Variants in ATOSA observed in about 807,000 individuals in gnomAD.
ATOSA encodes the protein atos homolog protein A.
chr15:52,583,390 G>GTCATTCATTCAT, the ATOSA span, among the ~76,000 whole-genome samples: 7,139 of 150,838 alleles, frequency 0.047, 243 homozygotes, highest in East Asian at 0.12. Flanking sequence ...TTCATACCAT[G>GTCATTCATTCAT]TCATTCATTC....
chr15:52,636,119 TTTA>T, the ATOSA span, among the ~76,000 whole-genome samples: 1 of 35,742 alleles, frequency 2.8e-5, no homozygotes, highest in Non-Finnish European at 8.0e-5. Context: ...AAATAATAAA[TTTA>T]ATAAATATAT....
At chr15:52,670,427 T>A in the ATOSA span, among the ~76,000 whole-genome samples, 209 of 152,344 alleles carry the variant, frequency 1.4e-3, 1 homozygote, top group African/African-American at 4.6e-3. Flanking sequence ...CTATGTAATT[T>A]TTTCAAGGTA....
chr15:52,584,861 T>C, the ATOSA span: 1 of 1,613,626 alleles, frequency 6.2e-7, no homozygotes, highest in Non-Finnish European at 8.5e-7. Context: ...GTCGTAGGAA[T>C]GTCTGATGAT....
At chr15:52,589,509 A>C in the ATOSA span, among the ~76,000 whole-genome samples, 1 of 151,734 alleles carries the variant, frequency 6.6e-6, no homozygotes. Context: ...CAATTCCAAT[A>C]GTTTTTAGAA....
At chr15:52,638,781 T>C in the ATOSA span, among the ~76,000 whole-genome samples, 30 of 150,490 alleles carry the variant, frequency 2.0e-4, no homozygotes, top group African/African-American at 6.6e-4. Flanking sequence ...ACAGCGGATA[T>C]ATGGGAAAGT....
chr15:52,708,815 C>A, the ATOSA span, among the ~76,000 whole-genome samples: 1 of 152,088 alleles, frequency 6.6e-6, no homozygotes, highest in Non-Finnish European at 1.5e-5. Context: ...TGGAGGCTAC[C>A]TCCCTTCCTC....
At chr15:52,596,508 A>G in the ATOSA span, among the ~76,000 whole-genome samples, 3 of 152,228 alleles carry the variant, frequency 2.0e-5, no homozygotes, top group Non-Finnish European at 4.4e-5. Context: ...TCACAGATCT[A>G]AACGTATGAG....
chr15:52,652,187 C>T, the ATOSA span: 7 of 757,264 alleles, frequency 9.2e-6, no homozygotes, highest in Non-Finnish European at 1.3e-5. Flanking sequence ...GTTTTCTTTG[C>T]TCGTCTTACA....
At chr15:52,581,991 T>C in the ATOSA span, 2 of 559,032 alleles carry the variant, frequency 3.6e-6, no homozygotes, top group African/African-American at 2.0e-5. Flanking sequence ...CCAGTCTACA[T>C]GGAATATATG....
chr15:52,707,595 G>C, the ATOSA span, among the ~76,000 whole-genome samples: 1 of 152,090 alleles, frequency 6.6e-6, no homozygotes, highest in Non-Finnish European at 1.5e-5. Flanking sequence ...ATTACTGTTC[G>C]GACAAGTGAA....
chr15:52,638,719 G>A, the ATOSA span, among the ~76,000 whole-genome samples: 1 of 118,420 alleles, frequency 8.4e-6, no homozygotes, highest in African/African-American at 3.1e-5. Flanking sequence ...AAAAAAAAAA[G>A]TACCACTGGG....
At chr15:52,660,391 A>G in the ATOSA span, among the ~76,000 whole-genome samples, 1 of 152,192 alleles carries the variant, frequency 6.6e-6, no homozygotes, top group Non-Finnish European at 1.5e-5. Context: ...TTCTAAATTC[A>G]GAACCTTTGC....
chr15:52,629,818 A>T, the ATOSA span, among the ~76,000 whole-genome samples: 2 of 151,500 alleles, frequency 1.3e-5, no homozygotes, highest in African/African-American at 4.8e-5. Context: ...ATTAAAAAAT[A>T]AAAAAAAAGA....
At chr15:52,697,909 G>T in the ATOSA span, among the ~76,000 whole-genome samples, 2 of 143,408 alleles carry the variant, frequency 1.4e-5, no homozygotes, top group Non-Finnish European at 3.0e-5. Flanking sequence ...CCCCAGAAAG[G>T]CTCCAATTTA....
the ATOSA span, among the ~76,000 whole-genome samples, chr15:52,686,399 C>CAGAGT: frequency 1.3e-5 from 2 of 152,168 alleles, no homozygotes; most frequent in African/African-American, 4.8e-5. Flanking sequence ...CATTTTTGAA[C>CAGAGT]AGAGTTCTAC....
the ATOSA span, among the ~76,000 whole-genome samples, chr15:52,666,343 C>T: frequency 1.8e-4 from 27 of 152,324 alleles, no homozygotes; most frequent in East Asian, 5.2e-3. Flanking sequence ...GACTCACACA[C>T]AGTACCCTGC....
the ATOSA span, among the ~76,000 whole-genome samples, chr15:52,671,128 A>T: frequency 1.3e-5 from 2 of 152,188 alleles, no homozygotes; most frequent in South Asian, 4.1e-4. Flanking sequence ...CATTTGTTAG[A>T]CGTATATAAA....
At chr15:52,596,356 TA>T in the ATOSA span, among the ~76,000 whole-genome samples, 2 of 152,180 alleles carry the variant, frequency 1.3e-5, no homozygotes, top group African/African-American at 4.8e-5. Flanking sequence ...GGAGCTAGAA[TA>T]GTTTAAGCAA....
the ATOSA span, chr15:52,611,551 T>TC: frequency 6.2e-7 from 1 of 1,607,716 alleles, no homozygotes; most frequent in Non-Finnish European, 8.5e-7. Flanking sequence ...CAAGAACAAC[T>TC]TTGAACTACG....
Sources: gnomAD v4.1 joint callset for allele counts (sites outside exome capture counted in the v4.1 genomes callset) on GRCh38, gnomAD v4.1.1 for gene constraint, MANE v1.5 for transcripts, NCBI Gene and HGNC (gene_info 2026-07-23, HGNC 2026-07-21) for gene names.